A1CF: variants seen among roughly 807,000 people sequenced by gnomAD.
The protein encoded by A1CF is APOBEC-1 stimulating protein.
In A1CF, 48 loss-of-function variants were observed where a neutral mutation model predicts 68.9. The observed-to-expected ratio is 0.70, with a 90% confidence interval of 0.55 to 0.89. The LOEUF (loss-of-function observed/expected upper bound fraction) is 0.89, where lower values mean the gene tolerates loss of function less well. Among genes scored for constraint, A1CF ranks in the 40% least tolerant of loss-of-function variants. The pLI is 0.00. For synonymous variants in A1CF, 272 were observed against 260.4 expected, an observed-to-expected ratio of 1.04 and a Z score of -0.43; for missense variants, 653 against 718.9, an observed-to-expected ratio of 0.91 and a Z score of 1.05.
chr10:50,826,321 T>A (rs1838933396), intron 7 of A1CF, among the ~76,000 whole-genome samples: 1 of 152,144 alleles, frequency 6.6e-6, no homozygotes, highest in Non-Finnish European at 1.5e-5. Context: ...GTTAGGAACA[T>A]AGTTTGAGAG....
intron 6 of A1CF, among the ~76,000 whole-genome samples, chr10:50,833,747 T>C (rs916298369): frequency 2.0e-5 from 3 of 152,116 alleles, no homozygotes; most frequent in East Asian, 3.9e-4. Context: ...AAATGGGTGA[T>C]AGGTTTTGTT....
chr10:50,849,014 T>C (rs1840119827), intron 3 of A1CF, among the ~76,000 whole-genome samples: 1 of 152,194 alleles, frequency 6.6e-6, no homozygotes, highest in South Asian at 2.1e-4. Context: ...ATTTGTGAAA[T>C]TGAATAAAAG....
At chr10:50,882,175 T>C (rs1232352689) in intron 1 of A1CF, among the ~76,000 whole-genome samples, 1 of 152,214 alleles carries the variant, frequency 6.6e-6, no homozygotes, top group Admixed American at 6.5e-5. Flanking sequence ...TGTTGGCTCA[T>C]GCCTGTAATC....
chr10:50,834,027 T>G (rs1274125740), intron 6 of A1CF, among the ~76,000 whole-genome samples: 1 of 152,276 alleles, frequency 6.6e-6, no homozygotes, highest in South Asian at 2.1e-4. Context: ...GGAAGCTTAA[T>G]GAAGTGCTTG....
chr10:50,848,617 T>C (rs983130538), intron 3 of A1CF, among the ~76,000 whole-genome samples: 2 of 152,236 alleles, frequency 1.3e-5, no homozygotes, highest in Non-Finnish European at 2.9e-5. Context: ...AATGGCTCTT[T>C]GGAAAGTTCA....
At chr10:50,853,841 T>A (rs954316906) in intron 3 of A1CF, among the ~76,000 whole-genome samples, 3 of 151,800 alleles carry the variant, frequency 2.0e-5, no homozygotes, top group Admixed American at 1.3e-4. Flanking sequence ...AAATCATATC[T>A]TGCAATTACT....
At chr10:50,826,175 A>G (rs1838921927) in intron 7 of A1CF, among the ~76,000 whole-genome samples, 1 of 152,190 alleles carries the variant, frequency 6.6e-6, no homozygotes. Context: ...GGAGGAAACA[A>G]TAAGAGGGGA....
At chr10:50,842,330 C>G (rs1839820047) in intron 4 of A1CF, among the ~76,000 whole-genome samples, 1 of 152,168 alleles carries the variant, frequency 6.6e-6, no homozygotes. Flanking sequence ...CACATTTTAT[C>G]ATAAGTACAG....
rs140054242 is a variant in A1CF, at chr10:50,849,370, C to T, written c.100-5248G>A. ...TGGCTTAATATACTGTAGAAGTTGG[C>T]ATTATTTCTATTGGCTATTTTTCTA... On this transcript the variant is annotated intron_variant, in intron 3 of 12. Transcript: ENST00000373997. Among the ~76,000 whole-genome samples the T allele has an allele frequency of 6.0e-3, 907 of 152,196 alleles. 7 individuals carry two copies. The highest frequency in any genetic ancestry group is 0.02 in the African/African-American group (847 of 41,534).
At chr10:50,871,687 G>A (rs542327457) in intron 1 of A1CF, among the ~76,000 whole-genome samples, 1 of 151,914 alleles carries the variant, frequency 6.6e-6, no homozygotes, top group South Asian at 2.1e-4. Flanking sequence ...TCACCAATAG[G>A]TGCTATTTCA....
At chr10:50,817,673 A>ACC (rs1325864150) in intron 8 of A1CF, among the ~76,000 whole-genome samples, 3 of 152,206 alleles carry the variant, frequency 2.0e-5, no homozygotes, top group Non-Finnish European at 4.4e-5. Flanking sequence ...CTTGAGGAAG[A>ACC]TGAGAGACCC....
chr10:50,820,551 C>T lies in A1CF; in HGVS notation c.867+1G>A. ...ATATTTTTTTCTTTCTTCTACCTTA[C>T]CTTGCCATTTAAAGCTTTCATAGCC... On this transcript the variant is annotated splice_donor_variant, in intron 8 of 12. Coordinates refer to ENST00000373997, the MANE Select transcript of A1CF (RefSeq NM_014576.4). LOFTEE classifies it high-confidence loss of function. 1 of 1,612,654 alleles carries T rather than the reference C, an allele frequency of 6.2e-7. No individual in the cohort carries two copies. Among genetic ancestry groups the T allele is most frequent in the South Asian group, 1.1e-5 (1 of 90,922 alleles).
intron 3 of A1CF, among the ~76,000 whole-genome samples, chr10:50,849,450 G>A (rs1279987275): frequency 2.6e-5 from 4 of 152,062 alleles, no homozygotes; most frequent in African/African-American, 7.2e-5. Context: ...TCCTAAAGTA[G>A]GAAGAATAAT....
At chr10:50,883,461 T>C (rs6479769) in intron 1 of A1CF, among the ~76,000 whole-genome samples, 110,697 of 152,062 alleles carry the variant, frequency 0.73, 40,516 homozygotes, top group East Asian at 0.84. Flanking sequence ...CTAGTGTTCT[T>C]TCCGTAATTA....
At chr10:50,882,845 G>C (rs1277829537) in intron 1 of A1CF, among the ~76,000 whole-genome samples, 1 of 152,132 alleles carries the variant, frequency 6.6e-6, no homozygotes, top group Non-Finnish European at 1.5e-5. Flanking sequence ...CTTTCTAAGG[G>C]ATGACAATTT....
At chr10:50,810,968 G>A (rs1838081039) in intron 11 of A1CF, 72 bp downstream of exon 11, 1 of 1,465,742 alleles carries the variant, frequency 6.8e-7, no homozygotes, top group Non-Finnish European at 9.2e-7. Flanking sequence ...TTGTTTAGAT[G>A]GTGACTAAAT....
chr10:50,820,036 A>C (rs969180600), intron 8 of A1CF, among the ~76,000 whole-genome samples: 1 of 152,190 alleles, frequency 6.6e-6, no homozygotes, highest in African/African-American at 2.4e-5. Context: ...GGCTTGATAT[A>C]TAAATATTAT....
At chr10:50,846,061 A>G (rs1402167154) in intron 3 of A1CF, among the ~76,000 whole-genome samples, 1 of 152,198 alleles carries the variant, frequency 6.6e-6, no homozygotes, top group Non-Finnish European at 1.5e-5. Flanking sequence ...ATTTTATTAC[A>G]TAAAATATTT....
intron 8 of A1CF, among the ~76,000 whole-genome samples, chr10:50,818,519 G>T (rs1277494946): frequency 6.6e-6 from 1 of 152,012 alleles, no homozygotes; most frequent in Non-Finnish European, 1.5e-5. Flanking sequence ...TTATTCCAAC[G>T]TAATTTTTGG....
Sources: gnomAD v4.1 joint callset for allele counts (sites outside exome capture counted in the v4.1 genomes callset) on GRCh38, gnomAD v4.1.1 for gene constraint, MANE v1.5 for transcripts, NCBI Gene and HGNC (gene_info 2026-07-23, HGNC 2026-07-21) for gene names.